Variants in AP3B1 observed in about 807,000 individuals in gnomAD.
AP3B1 encodes the protein AP-3 complex subunit beta-1.
AP3B1 carries 61 observed loss-of-function variants against 132.5 expected under a neutral mutation model. The ratio of observed to expected loss-of-function variants is 0.46; its 90% CI spans 0.37 to 0.57. The LOEUF (loss-of-function observed/expected upper bound fraction) is 0.57. AP3B1 is among the 20% of genes least tolerant of loss of function. The pLI is 0.00. For synonymous variants in AP3B1, 388 were observed against 438.3 expected (o/e 0.89, Z 1.43); for missense variants, 1,120 against 1,289.4 (o/e 0.87, Z 2.01).
At chr5:78,138,391 C>T (rs1283669874) in intron 15 of AP3B1, among the ~76,000 whole-genome samples, 3 of 151,772 alleles carry the variant, frequency 2.0e-5, no homozygotes, top group Non-Finnish European at 2.9e-5. Flanking sequence ...TGCTTGAACA[C>T]GGGAGGCAGA....
chr5:78,149,270 G>A (rs189502994), intron 14 of AP3B1, among the ~76,000 whole-genome samples: 4 of 152,112 alleles, frequency 2.6e-5, no homozygotes, highest in African/African-American at 9.7e-5. Flanking sequence ...ATAATGCACT[G>A]GTTAAGAAAG....
chr5:78,217,485 G>A (rs1746011437), intron 6 of AP3B1, among the ~76,000 whole-genome samples: 1 of 151,992 alleles, frequency 6.6e-6, no homozygotes, highest in Admixed American at 6.6e-5. Context: ...GATTATTTGT[G>A]TGAACTATAT....
At chr5:78,029,274 A>G (rs372449580) in intron 24 of AP3B1, among the ~76,000 whole-genome samples, 16 of 152,316 alleles carry the variant, frequency 1.1e-4, no homozygotes, top group African/African-American at 3.8e-4. Context: ...ATGGTTTGTA[A>G]CAATTGTATT....
chr5:78,074,512 A>G (rs1749678460), intron 22 of AP3B1, among the ~76,000 whole-genome samples: 2 of 152,260 alleles, frequency 1.3e-5, no homozygotes, highest in Admixed American at 6.5e-5. Context: ...CCTAAATTTA[A>G]AATGACAAAA....
intron 2 of AP3B1, among the ~76,000 whole-genome samples, chr5:78,245,202 T>C (rs568509053): frequency 6.6e-6 from 1 of 152,262 alleles, no homozygotes; most frequent in Middle Eastern, 3.4e-3. Context: ...ATCACTTAGA[T>C]CTGAGAAGCA....
At chr5:78,077,797 T>C (rs1749824497) in intron 22 of AP3B1, among the ~76,000 whole-genome samples, 2 of 152,200 alleles carry the variant, frequency 1.3e-5, no homozygotes, top group Admixed American at 1.3e-4. Flanking sequence ...ACTTGGTGGA[T>C]TTGTCTCTAG....
At chr5:78,039,346 A>G (rs1747952077) in intron 22 of AP3B1, 72 bp from the exon 23 acceptor site, 7 of 1,195,800 alleles carry the variant, frequency 5.9e-6, no homozygotes, top group Non-Finnish European at 8.6e-6. Flanking sequence ...ATATGCAAAC[A>G]TTTATGACAT....
intron 11 of AP3B1, among the ~76,000 whole-genome samples, chr5:78,174,479 C>T (rs1422749734): frequency 6.6e-6 from 1 of 152,186 alleles, no homozygotes; most frequent in Non-Finnish European, 1.5e-5. Context: ...TGCTGGAGGT[C>T]CACTCCAGAC....
intron 7 of AP3B1, among the ~76,000 whole-genome samples, chr5:78,187,268 C>G (rs981516552): frequency 6.6e-6 from 1 of 152,116 alleles, no homozygotes; most frequent in African/African-American, 2.4e-5. Flanking sequence ...AGCATAAGCA[C>G]TCACTTACAA....
At chr5:78,200,736 C>G (rs948639008) in intron 7 of AP3B1, among the ~76,000 whole-genome samples, 2 of 152,118 alleles carry the variant, frequency 1.3e-5, no homozygotes, top group South Asian at 2.1e-4. Context: ...GAAAACCCAA[C>G]AGAATGGCCA....
intron 20 of AP3B1, among the ~76,000 whole-genome samples, chr5:78,103,957 AT>A (rs1219231260): frequency 6.6e-6 from 1 of 152,172 alleles, no homozygotes; most frequent in African/African-American, 2.4e-5. Context: ...TTTCATGCTG[AT>A]TAAAAAAAAG....
intron 6 of AP3B1, among the ~76,000 whole-genome samples, chr5:78,221,377 A>ATCCTT (rs1252285926): frequency 6.6e-6 from 1 of 152,202 alleles, no homozygotes; most frequent in African/African-American, 2.4e-5. Flanking sequence ...AGCAAAAGGA[A>ATCCTT]ACAACACGAC....
At chr5:78,098,012 G>C (rs1750955245) in intron 21 of AP3B1, among the ~76,000 whole-genome samples, 1 of 152,072 alleles carries the variant, frequency 6.6e-6, no homozygotes, top group Non-Finnish European at 1.5e-5. Flanking sequence ...AACATGTGCT[G>C]TGTCCACTCA....
intron 26 of AP3B1, among the ~76,000 whole-genome samples, chr5:78,005,441 T>C (rs1309543337): frequency 1.3e-5 from 2 of 152,220 alleles, no homozygotes; most frequent in East Asian, 3.8e-4. Context: ...GGTGTCAGTA[T>C]GTTGACAGAA....
intron 19 of AP3B1, among the ~76,000 whole-genome samples, chr5:78,113,124 C>A (rs912272121): frequency 6.6e-6 from 1 of 152,156 alleles, no homozygotes; most frequent in Non-Finnish European, 1.5e-5. Context: ...ATCAAGTGAG[C>A]GGGCAGCAGG....
In AP3B1 at chr5:78,267,612, G is replaced by GA. The variant is rs201281724; in HGVS notation, c.129-18dup. ...TCTTCATTCCTATTACAAAAGAGAA[G>GA]AAAAAAAATCCATACTTTGATTTTT... On this transcript the variant is annotated splice_polypyrimidine_tract_variant and intron_variant, in intron 1 of 26. Transcript: ENST00000255194. 331 of 1,498,978 alleles carry GA rather than the reference G, an allele frequency of 2.2e-4. 1 individual carries two copies. The African/African-American group carries it at 3.5e-3, about 16-fold the overall frequency. The allele number at this position is 1,498,978 out of a possible 1,614,324, so 92.9% of individuals were successfully genotyped here.
At chr5:78,124,889 A>G (rs971689570) in intron 17 of AP3B1, among the ~76,000 whole-genome samples, 2 of 152,220 alleles carry the variant, frequency 1.3e-5, no homozygotes, top group East Asian at 1.9e-4. Flanking sequence ...CCAGACTTCT[A>G]TGCTCAAACG....
At chr5:78,285,142 G>A (rs1008822528) in intron 1 of AP3B1, among the ~76,000 whole-genome samples, 10 of 140,980 alleles carry the variant, frequency 7.1e-5, no homozygotes, top group South Asian at 6.9e-4. Flanking sequence ...CCAGCTACTC[G>A]GGAGGCTGAG....
At chr5:78,255,982 G>C (rs2112543486) in intron 2 of AP3B1, among the ~76,000 whole-genome samples, 1 of 152,134 alleles carries the variant, frequency 6.6e-6, no homozygotes. Flanking sequence ...ATATGCTCCT[G>C]AATGACCAGT....
Sources: allele counts gnomAD v4.1 joint callset (sites outside exome capture counted in the v4.1 genomes callset), GRCh38; gene constraint gnomAD v4.1.1; transcripts MANE v1.5; gene names NCBI Gene and HGNC (gene_info 2026-07-23, HGNC 2026-07-21).